The following COL13A1 variants were observed in gnomAD, a reference collection of about 807,000 sequenced individuals.
COL13A1 encodes collagen alpha-1(XIII) chain.
In COL13A1, 89 loss-of-function variants were observed where a neutral mutation model predicts 130.9. The ratio of observed to expected loss-of-function variants is 0.68; its 90% CI spans 0.57 to 0.81. The LOEUF (loss-of-function observed/expected upper bound fraction) is 0.81, where lower values mean the gene tolerates loss of function less well. COL13A1 is among the 30% of genes least tolerant of loss of function. The pLI, the probability that COL13A1 is intolerant of heterozygous loss-of-function variation, is 0.00. For synonymous variants in COL13A1, 402 were observed against 341.6 expected (o/e 1.18, Z -1.95); for missense variants, 879 against 934.6 (o/e 0.94, Z 0.78).
At chr10:69,938,547 G>T (rs541310387) in intron 34 of COL13A1, among the ~76,000 whole-genome samples, 1 of 152,294 alleles carries the variant, frequency 6.6e-6, no homozygotes, top group Non-Finnish European at 1.5e-5. Context: ...GCCAGAGGCT[G>T]ATCTGAGGCC....
chr10:69,871,212 G>A lies in COL13A1; in HGVS notation c.373-972G>A, dbSNP rs185071201. Among the ~76,000 whole-genome samples, 4 of 152,220 alleles carry A rather than the reference G, an allele frequency of 2.6e-5. No homozygotes were observed. In the South Asian group the frequency reaches 6.2e-4, roughly 24 times the overall value. On this transcript the variant is annotated intron_variant, in intron 3 of 40. Transcript: ENST00000645393. Reference sequence around the variant, plus strand: ...GCACTAAAGCTCTGGTTTAAGGGACGCAGTGCCTGGGCTGTCCTTGTGGGG... The same window carrying A: ...GCACTAAAGCTCTGGTTTAAGGGACACAGTGCCTGGGCTGTCCTTGTGGGG...
intron 15 of COL13A1, among the ~76,000 whole-genome samples, chr10:69,904,173 A>T (rs2062486723): frequency 6.6e-6 from 1 of 152,006 alleles, no homozygotes; most frequent in Non-Finnish European, 1.5e-5. Context: ...GAAAACCAAA[A>T]AGTGCTCCAA....
chr10:69,894,508 G>A (rs1473926129), intron 10 of COL13A1, 44 bp from the exon 11 acceptor site: 1 of 1,612,094 alleles, frequency 6.2e-7, no homozygotes, highest in South Asian at 1.1e-5. Context: ...CTGATTGCCT[G>A]TCTTCTGTCT....
At chr10:69,937,486 A>G in intron 33 of COL13A1, 149 bp from the exon 34 acceptor site, 1 of 594,890 alleles carries the variant, frequency 1.7e-6, no homozygotes, top group Non-Finnish European at 3.0e-6. Flanking sequence ...GTAGGCTAAG[A>G]ATTCAGGGAT....
At chr10:69,903,701 T>C (rs1254249609) in intron 15 of COL13A1, among the ~76,000 whole-genome samples, 1 of 152,230 alleles carries the variant, frequency 6.6e-6, no homozygotes, top group African/African-American at 2.4e-5. Context: ...TGTTTTTCCT[T>C]CTTATGACAA....
intron 3 of COL13A1, among the ~76,000 whole-genome samples, chr10:69,868,916 T>C (rs543398193): frequency 1.6e-4 from 24 of 152,228 alleles, no homozygotes; most frequent in Non-Finnish European, 2.9e-4. Flanking sequence ...CTCTGCCATA[T>C]AGAGCTTTCA....
intron 34 of COL13A1, among the ~76,000 whole-genome samples, chr10:69,938,740 G>T (rs769355918): frequency 6.6e-6 from 1 of 152,174 alleles, no homozygotes; most frequent in Non-Finnish European, 1.5e-5. Context: ...AATGCAGGAG[G>T]TATAATTATA....
At position 69,919,739 on chromosome 10, in the gene COL13A1, T is replaced by C; in HGVS notation, c.1089+12T>C. 2 of 398,650 alleles carry C rather than the reference T, an allele frequency of 5.0e-6. No homozygotes were observed. The highest frequency in any genetic ancestry group is 8.8e-6 in the Non-Finnish European group (2 of 226,130). 24.7% of individuals were successfully genotyped at this position (398,650 alleles called of 1,614,324 possible). On this transcript the variant is annotated intron_variant, in intron 21 of 40. Coordinates refer to ENST00000645393, the MANE Select transcript of COL13A1 (RefSeq NM_001368882.1). ...AGAGGGGGCAGAGGGTAGGATATCG[T>C]GTATTTGAGTGTGTGCCCCTTCATC...
intron 6 of COL13A1, among the ~76,000 whole-genome samples, chr10:69,879,144 G>T (rs1340135181): frequency 6.6e-6 from 1 of 152,144 alleles, no homozygotes; most frequent in African/African-American, 2.4e-5. Flanking sequence ...ACATGCCCCG[G>T]GTCACACAGC....
chr10:69,942,069 A>G (rs1455583129), intron 35 of COL13A1, among the ~76,000 whole-genome samples: 2 of 152,204 alleles, frequency 1.3e-5, no homozygotes, highest in Non-Finnish European at 2.9e-5. Context: ...GACACACTGA[A>G]GCACAGGCTC....
chr10:69,819,233 G>C (rs1046400072), intron 1 of COL13A1, among the ~76,000 whole-genome samples: 1 of 152,166 alleles, frequency 6.6e-6, no homozygotes, highest in Non-Finnish European at 1.5e-5. Context: ...ATTATACAAT[G>C]GGGCTGATTT....
intron 4 of COL13A1, among the ~76,000 whole-genome samples, chr10:69,873,713 T>C (rs1028366279): frequency 6.6e-6 from 1 of 152,250 alleles, no homozygotes; most frequent in African/African-American, 2.4e-5. Context: ...CGCCCTGGCC[T>C]GGGGTCCTTC....
chr10:69,832,138 A>G (rs1848967835), intron 2 of COL13A1, among the ~76,000 whole-genome samples: 1 of 152,200 alleles, frequency 6.6e-6, no homozygotes, highest in South Asian at 2.1e-4. Flanking sequence ...GTAATGTGGT[A>G]TGGCTGCTCA....
chr10:69,829,067 T>TC lies in COL13A1; in HGVS notation c.364+6635dup, dbSNP rs1329521240. On this transcript the variant is annotated intron_variant, in intron 2 of 40. Coordinates refer to ENST00000645393, the MANE Select transcript of COL13A1 (RefSeq NM_001368882.1). ...CGGCACACAATGAAAGCCAGCACCT[T>TC]CCCCCCACCTGGCCCTTTCCAACAT... Among the ~76,000 whole-genome samples, 4 of 151,952 alleles carry TC rather than the reference T, an allele frequency of 2.6e-5. No individual in the cohort carries two copies. In the East Asian group the frequency reaches 7.7e-4, roughly 29 times the overall value.
intron 37 of COL13A1, 93 bp from the exon 38 acceptor site, chr10:69,947,214 C>T: frequency 9.2e-7 from 1 of 1,090,750 alleles, no homozygotes; most frequent in Non-Finnish European, 1.4e-6. Context: ...GTGAGTGAGG[C>T]ATTGGGAGAG....
At position 69,950,984 on chromosome 10, in the gene COL13A1, G is replaced by C. The variant is rs903250676; in HGVS notation, c.2059-1898G>C. On this transcript the variant is annotated intron_variant, in intron 38 of 40. Coordinates refer to ENST00000645393, the MANE Select transcript of COL13A1 (RefSeq NM_001368882.1). ...CTGCCTCAGCCTCCCGAGTAGCTAG[G>C]ATTACAGGCTAGTGCCACCACACCA... Among the ~76,000 whole-genome samples, 8 of 152,272 alleles carry C rather than the reference G, an allele frequency of 5.3e-5. 1 individual carries two copies. The South Asian group carries it at 1.2e-3, about 24-fold the overall frequency.
Position 69,810,934 on chromosome 10 carries a change from G to A in COL13A1, c.294+8217G>A, listed in dbSNP as rs553834782. Among the ~76,000 whole-genome samples the A allele has an allele frequency of 7.4e-4, 113 of 152,328 alleles. 1 individual carries two copies. Among genetic ancestry groups the A allele is most frequent in the African/African-American group, 2.5e-3 (103 of 41,562 alleles). On this transcript the variant is annotated intron_variant, in intron 1 of 40. Coordinates refer to ENST00000645393, the MANE Select transcript of COL13A1 (RefSeq NM_001368882.1). ...TCTCCTGGTCCTTCAAAGAGCAAGGGCCAGCCAAGCACAAAGGGGCAGAAC... is the reference window on the plus strand; with the variant it reads ...TCTCCTGGTCCTTCAAAGAGCAAGGACCAGCCAAGCACAAAGGGGCAGAAC...
At chr10:69,874,076 C>T (rs1003839912) in intron 4 of COL13A1, among the ~76,000 whole-genome samples, 1 of 152,252 alleles carries the variant, frequency 6.6e-6, no homozygotes, top group Admixed American at 6.5e-5. Context: ...TTCTAATCTG[C>T]ACAGCTACCC....
At chr10:69,869,026 AC>A (rs1171641935) in intron 3 of COL13A1, among the ~76,000 whole-genome samples, 1 of 151,180 alleles carries the variant, frequency 6.6e-6, no homozygotes, top group Non-Finnish European at 1.5e-5. Context: ...CACACACCTC[AC>A]CCCCAGGGGC....
Sources: allele counts gnomAD v4.1 joint callset (sites outside exome capture counted in the v4.1 genomes callset), GRCh38; gene constraint gnomAD v4.1.1; transcripts MANE v1.5; gene names NCBI Gene and HGNC (gene_info 2026-07-23, HGNC 2026-07-21).